Variants in SARDH observed in about 807,000 individuals in gnomAD.
SARDH encodes the protein sarcosine dehydrogenase, mitochondrial.
A neutral mutation model predicts 109.1 loss-of-function variants in SARDH; 95 were observed. The ratio of observed to expected loss-of-function variants is 0.87; its 90% CI spans 0.74 to 1.03. The LOEUF (loss-of-function observed/expected upper bound fraction) is 1.03, where lower values mean the gene tolerates loss of function less well. SARDH is among the 50% of genes least tolerant of loss of function. The pLI is 0.00. For missense variants in SARDH, 1,267 were observed against 1,287.8 expected (o/e 0.98, Z 0.25); for synonymous variants, 572 against 534.8 (o/e 1.07, Z -0.96).
chr9:133,732,382 A>AC, intron 3 of SARDH, 41 bp downstream of exon 3: 29 of 291,436 alleles, frequency 1.0e-4, no homozygotes, highest in Admixed American at 3.5e-4. Context: ...GCACCCACCC[A>AC]CCCAAGCCCC....
At position 133,709,197 on chromosome 9, in the gene SARDH, G is replaced by A. The variant is rs761109386; in HGVS notation, c.1329-769C>T. Among the ~76,000 whole-genome samples the A allele has an allele frequency of 1.7e-4, 26 of 152,148 alleles. No individual in the cohort carries two copies. Among genetic ancestry groups the A allele is most frequent in the South Asian group, 6.2e-4 (3 of 4,824 alleles). On this transcript the variant is annotated intron_variant, in intron 10 of 20. Transcript: ENST00000439388. The surrounding 1 kb of genome is among the most constrained non-coding windows in gnomAD (Gnocchi z 4.2). ...GGCAGCCCCCGGTGGTGTCCAGCAC[G>A]AACCCGGCGGGCCCCATGCTATTTC...
At position 133,709,861 on chromosome 9, in the gene SARDH, C is replaced by T. The variant is rs546909288; in HGVS notation, c.1329-1433G>A. 1.2e-4 allele frequency among the ~76,000 whole-genome samples: 18 copies of T among 152,174 alleles called. No homozygotes were observed. The South Asian group carries it at 3.5e-3, about 30-fold the overall frequency. ...TGTTCACAGTCACACGGCAAGGCCA[C>T]GGCAAAGGCAGCCCACACCTGCGCC... On this transcript the variant is annotated intron_variant, in intron 10 of 20. Coordinates refer to ENST00000439388, the MANE Select transcript of SARDH (RefSeq NM_001134707.2). This position sits in a 1 kb window ranked among gnomAD's most constrained non-coding sequence, Gnocchi z 4.2.
At chr9:133,696,200 C>T (rs1274186021) in intron 14 of SARDH, 23 bp downstream of exon 14, 22 of 1,610,914 alleles carry the variant, frequency 1.4e-5, no homozygotes, top group Non-Finnish European at 1.8e-5. Context: ...CAGGAACATG[C>T]CCCCCAACCT....
At chr9:133,705,738 C>T (rs1034483471) in intron 11 of SARDH, among the ~76,000 whole-genome samples, 3 of 152,214 alleles carry the variant, frequency 2.0e-5, no homozygotes, top group Admixed American at 6.5e-5. Flanking sequence ...CTGCTATGGA[C>T]GGAATCACAT....
In SARDH at chr9:133,704,932, A is replaced by C. The variant is rs1831631941; in HGVS notation, c.1554+16T>G. ...GCAGGGCCTCCCAGCAGCACAGCCC[A>C]GCAGGCACTACTCACCGGAGCTGGG... On this transcript the variant is annotated intron_variant, in intron 12 of 20. Transcript: ENST00000439388. This position sits in a 1 kb window ranked among gnomAD's most constrained non-coding sequence, Gnocchi z 4.5. 6.4e-7 allele frequency: 1 copy of C among 1,566,552 alleles called. No homozygotes were observed. The highest frequency in any genetic ancestry group is 2.3e-5 in the East Asian group (1 of 43,024).
chr9:133,706,393 C>T (rs1831697422), intron 11 of SARDH, among the ~76,000 whole-genome samples: 1 of 152,130 alleles, frequency 6.6e-6, no homozygotes, highest in Non-Finnish European at 1.5e-5. Flanking sequence ...TATGAAGTGA[C>T]CTGAACAGGC....
chr9:133,668,246 A>G (rs4979627), intron 19 of SARDH, among the ~76,000 whole-genome samples: 34,789 of 148,936 alleles, frequency 0.23, 4,397 homozygotes, highest in East Asian at 0.4. Context: ...GAGAAGCCAC[A>G]GGATGACGAC....
chr9:133,715,496 G>A (rs1027396065), intron 8 of SARDH, among the ~76,000 whole-genome samples: 1 of 152,124 alleles, frequency 6.6e-6, no homozygotes, highest in Non-Finnish European at 1.5e-5. Flanking sequence ...GGCTCTATCT[G>A]CTTCTCCCCG....
At chr9:133,735,784 C>T (rs1031276422) in intron 1 of SARDH, among the ~76,000 whole-genome samples, 3 of 152,242 alleles carry the variant, frequency 2.0e-5, no homozygotes, top group Admixed American at 1.3e-4. Context: ...TGGCTCATGC[C>T]TGTAATCCCA....
intron 17 of SARDH, 71 bp downstream of exon 17, chr9:133,685,122 A>C: frequency 3.9e-6 from 5 of 1,276,940 alleles, no homozygotes; most frequent in East Asian, 2.4e-5. Context: ...CCCAGCCCCC[A>C]GATCCCCCGG....
intron 16 of SARDH, among the ~76,000 whole-genome samples, chr9:133,687,595 G>A (rs1830931960): frequency 6.6e-6 from 1 of 151,950 alleles, no homozygotes. Context: ...CCAGCACAGG[G>A]GGCTATTTGA....
intron 20 of SARDH, among the ~76,000 whole-genome samples, chr9:133,665,371 T>C (rs1830027556): frequency 6.6e-6 from 1 of 152,174 alleles, no homozygotes; most frequent in Non-Finnish European, 1.5e-5. Context: ...GCCCCAGGGC[T>C]GTGGCCCCCA....
intron 6 of SARDH, among the ~76,000 whole-genome samples, chr9:133,720,573 A>C (rs1832288760): frequency 6.6e-6 from 1 of 152,220 alleles, no homozygotes; most frequent in Non-Finnish European, 1.5e-5. Flanking sequence ...ACAGTTCCAC[A>C]TGGCTGGGGA....
At chr9:133,723,963 A>G (rs1335282079) in intron 6 of SARDH, among the ~76,000 whole-genome samples, 2 of 152,210 alleles carry the variant, frequency 1.3e-5, no homozygotes, top group Non-Finnish European at 2.9e-5. Context: ...TTACAGGCAT[A>G]AGTATAAGAG....
Position 133,730,054 on chromosome 9 carries a change from C to T in SARDH, c.814+10G>A. On this transcript the variant is annotated intron_variant, in intron 5 of 20. Transcript: ENST00000439388. ...GGCCACACAGGAGTCAGGAGAAATGCCACTCGCACCTGCACAGTTGACCAC... is the reference window on the plus strand; with the variant it reads ...GGCCACACAGGAGTCAGGAGAAATGTCACTCGCACCTGCACAGTTGACCAC... 6.2e-7 allele frequency: 1 copy of T among 1,613,886 alleles called. No homozygotes were observed. The highest frequency in any genetic ancestry group is 8.5e-7 in the Non-Finnish European group (1 of 1,179,830).
In SARDH at chr9:133,676,038, C is replaced by T. The variant is rs951469817; in HGVS notation, c.2164-4341G>A. On this transcript the variant is annotated intron_variant, in intron 17 of 20. Coordinates refer to ENST00000439388, the MANE Select transcript of SARDH (RefSeq NM_001134707.2). The stretch of plus-strand genomic sequence containing the variant: ...GAGACCAGGAGGTTGAGGCAGTGAG[C>T]TGAGATCGCACCGCTGCACTCCAGC... Among the ~76,000 whole-genome samples the T allele has an allele frequency of 2.4e-4, 36 of 152,022 alleles. 1 individual carries two copies. The highest frequency in any genetic ancestry group is 8.2e-4 in the African/African-American group (34 of 41,416).
chr9:133,706,968 G>A (rs1039302407), intron 11 of SARDH, among the ~76,000 whole-genome samples: 1 of 152,108 alleles, frequency 6.6e-6, no homozygotes, highest in Non-Finnish European at 1.5e-5. Context: ...GATGGCAATC[G>A]AGGGCACAAA....
Position 133,663,672 on chromosome 9 carries a change from T to C in SARDH, c.*217A>G, listed in dbSNP as rs956809566. The C allele has an allele frequency of 1.7e-5, 10 of 602,940 alleles. No homozygotes were observed. Among genetic ancestry groups the C allele is most frequent in the African/African-American group, 9.2e-5 (5 of 54,276 alleles). 37.3% of individuals were successfully genotyped at this position (602,940 alleles called of 1,614,324 possible). On this transcript the variant is annotated 3_prime_UTR_variant, in exon 21 of 21. Coordinates refer to ENST00000439388, the MANE Select transcript of SARDH (RefSeq NM_001134707.2). ...CTTACAGGTTTGCTTTCTGGGAGGA[T>C]TGGGGTGGATTAGAGACTGCCTTCC...
intron 17 of SARDH, among the ~76,000 whole-genome samples, chr9:133,683,901 C>A (rs753841991): frequency 3.3e-5 from 5 of 152,214 alleles, no homozygotes; most frequent in African/African-American, 7.2e-5. Flanking sequence ...ACCCGCCCAC[C>A]CCCTCCTGAA....
Sources: gnomAD v4.1 joint callset for allele counts (sites outside exome capture counted in the v4.1 genomes callset) on GRCh38, gnomAD v4.1.1 for gene constraint, Gnocchi (gnomAD v3.1) non-coding constraint, MANE v1.5 for transcripts, NCBI Gene and HGNC (gene_info 2026-07-23, HGNC 2026-07-21) for gene names.